CNTNAP5: variants seen among roughly 807,000 people sequenced by gnomAD.
The protein encoded by CNTNAP5 is contactin-associated protein-like 5.
Under a neutral mutation model 150.2 loss-of-function variants are expected in CNTNAP5, and 72 were observed. The ratio of observed to expected loss-of-function variants is 0.48; its 90% CI spans 0.40 to 0.58. The LOEUF is 0.58. Among genes scored for constraint, CNTNAP5 ranks in the 20% least tolerant of loss-of-function variants. CNTNAP5 has a pLI of 0.00. For missense variants in CNTNAP5, 1,636 were observed against 1,626.2 expected, an observed-to-expected ratio of 1.01 and a Z score of -0.10; for synonymous variants, 672 against 619.8, an observed-to-expected ratio of 1.08 and a Z score of -1.25.
At chr2:124,756,446 A>G (rs1241628606) in intron 14 of CNTNAP5, among the ~76,000 whole-genome samples, 1 of 152,226 alleles carries the variant, frequency 6.6e-6, no homozygotes, top group Non-Finnish European at 1.5e-5. Flanking sequence ...CCATTTTATG[A>G]TAAAGATACA....
At chr2:124,100,950 T>C (rs1355683481) in intron 1 of CNTNAP5, among the ~76,000 whole-genome samples, 1 of 152,056 alleles carries the variant, frequency 6.6e-6, no homozygotes, top group East Asian at 1.9e-4. Flanking sequence ...TTCTCAATTC[T>C]TAATTCATGA....
intron 1 of CNTNAP5, among the ~76,000 whole-genome samples, chr2:124,098,977 G>A (rs1316880228): frequency 6.6e-6 from 1 of 151,952 alleles, no homozygotes; most frequent in Non-Finnish European, 1.5e-5. Flanking sequence ...ACCATTTATT[G>A]ACAAATTCCT....
At chr2:124,313,650 C>A (rs538316082) in intron 3 of CNTNAP5, among the ~76,000 whole-genome samples, 1 of 152,288 alleles carries the variant, frequency 6.6e-6, no homozygotes, top group South Asian at 2.1e-4. Flanking sequence ...CCCTTCCACC[C>A]GTGGTAACTG....
chr2:124,776,137 A>G (rs141184155), intron 17 of CNTNAP5, among the ~76,000 whole-genome samples: 14 of 152,334 alleles, frequency 9.2e-5, no homozygotes, highest in Middle Eastern at 3.4e-3. Flanking sequence ...ACGTAACAGT[A>G]AAGAAAATGT....
At chr2:124,387,626 C>T (rs1690964090) in intron 3 of CNTNAP5, among the ~76,000 whole-genome samples, 1 of 151,834 alleles carries the variant, frequency 6.6e-6, no homozygotes, top group South Asian at 2.1e-4. Context: ...TACAAAGTAC[C>T]TTCTTAAGGG....
At position 124,129,612 on chromosome 2, in the gene CNTNAP5, C is replaced by A. The variant is rs549536316; in HGVS notation, c.83-92093C>A. 3.3e-5 allele frequency among the ~76,000 whole-genome samples: 5 copies of A among 152,246 alleles called. No homozygotes were observed. In the East Asian group the frequency reaches 9.7e-4, roughly 29 times the overall value. On this transcript the variant is annotated intron_variant, in intron 1 of 23. Transcript: ENST00000682447. ...AGAATTGCATTCATGCAGGGGTTTT[C>A]TTATTCTCTGTTAAAGATGGTATTA...
rs192667751 is a variant in CNTNAP5 at position 124,454,753 on chromosome 2, G to A, written c.918+7816G>A. Among the ~76,000 whole-genome samples, 6 of 152,136 alleles carry A rather than the reference G, an allele frequency of 3.9e-5. No homozygotes were observed. In the South Asian group the frequency reaches 6.2e-4, roughly 16 times the overall value. On this transcript the variant is annotated intron_variant, in intron 6 of 23. Transcript: ENST00000682447. ...CTCCAAAAGGAACATTCAAAACCAT[G>A]CAAATACATGGAAATTAAATAACCC...
chr2:124,327,489 G>A (rs1689248487), intron 3 of CNTNAP5, among the ~76,000 whole-genome samples: 1 of 152,032 alleles, frequency 6.6e-6, no homozygotes, highest in South Asian at 2.1e-4. Flanking sequence ...CCTCAGTTTT[G>A]TAATTCAGGA....
chr2:124,223,911 C>G (rs992703221), intron 2 of CNTNAP5, among the ~76,000 whole-genome samples: 1 of 151,392 alleles, frequency 6.6e-6, no homozygotes, highest in Non-Finnish European at 1.5e-5. Flanking sequence ...TCCTCTAGTG[C>G]ATATTCCAAG....
chr2:124,554,503 CATAAATTCCTGGGCTCAAGCA>C (rs934347885), intron 10 of CNTNAP5, among the ~76,000 whole-genome samples: 13 of 151,300 alleles, frequency 8.6e-5, no homozygotes, highest in Non-Finnish European at 1.9e-4. Context: ...CCACTGCAGC[CATAAATTCCTGGGCTCAAGCA>C]ATCCTCCCAC....
At chr2:124,858,576 A>G (rs1677434923) in intron 19 of CNTNAP5, among the ~76,000 whole-genome samples, 1 of 152,250 alleles carries the variant, frequency 6.6e-6, no homozygotes, top group Non-Finnish European at 1.5e-5. Flanking sequence ...AGAATATTCC[A>G]TTCTCATGGA....
At chr2:124,786,768 T>C (rs1386629527) in intron 17 of CNTNAP5, among the ~76,000 whole-genome samples, 1 of 152,084 alleles carries the variant, frequency 6.6e-6, no homozygotes, top group East Asian at 1.9e-4. Context: ...TTCTGTACAA[T>C]AAGTTTTACA....
chr2:124,543,760 A>G (rs552972537), intron 10 of CNTNAP5, among the ~76,000 whole-genome samples: 27 of 152,282 alleles, frequency 1.8e-4, no homozygotes, highest in Non-Finnish European at 2.4e-4. Flanking sequence ...ACTCTGTAGC[A>G]TCGTCAAATG....
At chr2:124,158,506 G>A (rs1049614687) in intron 1 of CNTNAP5, among the ~76,000 whole-genome samples, 2 of 152,034 alleles carry the variant, frequency 1.3e-5, no homozygotes, top group Non-Finnish European at 2.9e-5. Context: ...GCCAATTCAC[G>A]TTTTGCCTTC....
At chr2:124,253,310 A>C (rs2104782548) in intron 3 of CNTNAP5, among the ~76,000 whole-genome samples, 1 of 152,218 alleles carries the variant, frequency 6.6e-6, no homozygotes, top group South Asian at 2.1e-4. Flanking sequence ...ATATTTAAAT[A>C]AGTTTAAATA....
chr2:124,795,330 G>C (rs2104638619), intron 18 of CNTNAP5, among the ~76,000 whole-genome samples: 1 of 152,198 alleles, frequency 6.6e-6, no homozygotes. Context: ...CCCATTTCCA[G>C]CTCCTTCTCC....
chr2:124,174,110 G>GAAAAAAAAAAAA (rs3063417), intron 1 of CNTNAP5, among the ~76,000 whole-genome samples: 1 of 142,954 alleles, frequency 7.0e-6, no homozygotes, highest in Non-Finnish European at 1.5e-5. Context: ...TACTGCTCAG[G>GAAAAAAAAAAAA]AAAAAAAAAA....
intron 1 of CNTNAP5, among the ~76,000 whole-genome samples, chr2:124,137,605 G>A (rs2104611380): frequency 6.6e-6 from 1 of 152,224 alleles, no homozygotes; most frequent in East Asian, 1.9e-4. Context: ...CGCTTTAGGG[G>A]AATAAAAATT....
At chr2:124,063,411 C>T (rs764135675) in intron 1 of CNTNAP5, among the ~76,000 whole-genome samples, 1 of 152,040 alleles carries the variant, frequency 6.6e-6, no homozygotes, top group Non-Finnish European at 1.5e-5. Context: ...AATCCTACAA[C>T]TCTGATTTAA....
Sources: allele counts gnomAD v4.1 joint callset (sites outside exome capture counted in the v4.1 genomes callset), GRCh38; gene constraint gnomAD v4.1.1; transcripts MANE v1.5; gene names NCBI Gene and HGNC (gene_info 2026-07-23, HGNC 2026-07-21).